The following RFX3 variants were observed in gnomAD, a reference collection of about 807,000 sequenced individuals.
RFX3 encodes the protein transcription factor RFX3.
A neutral mutation model predicts 98.6 loss-of-function variants in RFX3; 14 were observed. That is an observed-to-expected ratio of 0.14 (90% CI 0.09 to 0.22). The LOEUF (loss-of-function observed/expected upper bound fraction) is 0.22, where lower values mean the gene tolerates loss of function less well. RFX3 is among the 10% of genes least tolerant of loss of function. The pLI is 1.00. For synonymous variants in RFX3, 383 were observed against 328.4 expected, an observed-to-expected ratio of 1.17 and a Z score of -1.80; for missense variants, 639 against 926.9, an observed-to-expected ratio of 0.69 and a Z score of 4.03.
At chr9:3,422,563 A>C (rs1241097471) in intron 1 of RFX3, among the ~76,000 whole-genome samples, 1 of 152,250 alleles carries the variant, frequency 6.6e-6, no homozygotes, top group Non-Finnish European at 1.5e-5. Context: ...GGAATCAAAG[A>C]TCTTTTAAGT....
At chr9:3,283,214 C>T (rs138003215) in intron 7 of RFX3, among the ~76,000 whole-genome samples, 2 of 151,712 alleles carry the variant, frequency 1.3e-5, no homozygotes, top group Non-Finnish European at 1.5e-5. Flanking sequence ...AATTGCCAGG[C>T]TTCATTCTCC....
chr9:3,309,689 A>G (rs1359753832), intron 4 of RFX3, among the ~76,000 whole-genome samples: 2 of 152,186 alleles, frequency 1.3e-5, no homozygotes. Flanking sequence ...GGCAATACAT[A>G]TTGTGAAAAG....
intron 2 of RFX3, among the ~76,000 whole-genome samples, chr9:3,356,018 C>A (rs1835704647): frequency 1.3e-5 from 2 of 151,546 alleles, no homozygotes; most frequent in Non-Finnish European, 3.0e-5. Flanking sequence ...TCATAATTTT[C>A]AGAGTGCAGC....
intron 1 of RFX3, among the ~76,000 whole-genome samples, chr9:3,498,755 C>A (rs561511315): frequency 6.6e-6 from 1 of 152,138 alleles, no homozygotes; most frequent in East Asian, 1.9e-4. Flanking sequence ...ACTAGCTTAC[C>A]GTGAAAAGAA....
At chr9:3,490,773 T>C (rs551967620) in intron 1 of RFX3, among the ~76,000 whole-genome samples, 1 of 152,150 alleles carries the variant, frequency 6.6e-6, no homozygotes, top group Non-Finnish European at 1.5e-5. Context: ...ATTTAGCAGC[T>C]GACATGCATT....
chr9:3,506,780 G>T (rs936348422), intron 1 of RFX3, among the ~76,000 whole-genome samples: 2 of 151,662 alleles, frequency 1.3e-5, no homozygotes, highest in African/African-American at 4.8e-5. Flanking sequence ...CCTGGATTAA[G>T]GTCAGCCCAA....
At chr9:3,522,541 G>A (rs1818820833) in intron 1 of RFX3, among the ~76,000 whole-genome samples, 1 of 147,188 alleles carries the variant, frequency 6.8e-6, no homozygotes, top group Admixed American at 6.8e-5. Context: ...TTACTGTTCT[G>A]GAAAAGTGTG....
At chr9:3,305,158 G>A (rs1288883253) in intron 4 of RFX3, among the ~76,000 whole-genome samples, 1 of 151,950 alleles carries the variant, frequency 6.6e-6, no homozygotes, top group Non-Finnish European at 1.5e-5. Context: ...GTCCATATTT[G>A]GGAAATGGCA....
intron 4 of RFX3, among the ~76,000 whole-genome samples, chr9:3,319,142 GTAGT>G (rs1384368881): frequency 6.6e-6 from 1 of 152,220 alleles, no homozygotes; most frequent in Non-Finnish European, 1.5e-5. Flanking sequence ...TTTTCACTTT[GTAGT>G]TAGTCTCCGT....
chr9:3,502,949 T>A (rs927510746), intron 1 of RFX3, among the ~76,000 whole-genome samples: 2 of 152,188 alleles, frequency 1.3e-5, no homozygotes, highest in Non-Finnish European at 2.9e-5. Flanking sequence ...TTCATCAAAC[T>A]GCTCTATGCT....
chr9:3,392,117 T>C (rs1453524424), intron 2 of RFX3, among the ~76,000 whole-genome samples: 1 of 152,170 alleles, frequency 6.6e-6, no homozygotes, highest in African/African-American at 2.4e-5. Flanking sequence ...AAAAGCCTTG[T>C]CAGTCAGATG....
At position 3,257,143 on chromosome 9, in the gene RFX3, T is replaced by G. The variant is rs774326911; in HGVS notation, c.1662A>C (p.Thr554=). ...CDDNMVQRLE[T]DFKMTLQQQS... ...GCTGCTGAAGAGTCATCTTGAAGTC[T>G]GTTTCTAGTCTCTGAACCATGTTGT... Residue 554 remains threonine (T), a synonymous_variant, in exon 14 of 17, where the codon ACA becomes ACC. Coordinates refer to ENST00000617270, the MANE Select transcript of RFX3 (RefSeq NM_001282116.2). The G allele has an allele frequency of 6.2e-7, 1 of 1,614,052 alleles. No individual in the cohort carries two copies. The highest frequency in any genetic ancestry group is 8.5e-7 in the Non-Finnish European group (1 of 1,179,982).
At chr9:3,419,597 A>G (rs1242883834) in intron 1 of RFX3, among the ~76,000 whole-genome samples, 1 of 152,132 alleles carries the variant, frequency 6.6e-6, no homozygotes, top group East Asian at 1.9e-4. Context: ...CTGAGAACTA[A>G]GTGCATGATT....
chr9:3,365,524 A>C (rs1000447852), intron 2 of RFX3, among the ~76,000 whole-genome samples: 16 of 152,132 alleles, frequency 1.1e-4, no homozygotes, highest in African/African-American at 3.6e-4. Flanking sequence ...CTTACTATTC[A>C]TCTAAATCCC....
At chr9:3,407,721 T>C (rs1175474642) in intron 1 of RFX3, among the ~76,000 whole-genome samples, 1 of 152,196 alleles carries the variant, frequency 6.6e-6, no homozygotes, top group Non-Finnish European at 1.5e-5. Flanking sequence ...TTTAATCCAG[T>C]TAATAGTTTT....
chr9:3,415,305 CTT>C (rs1199720971), intron 1 of RFX3, among the ~76,000 whole-genome samples: 1 of 150,746 alleles, frequency 6.6e-6, no homozygotes, highest in Non-Finnish European at 1.5e-5. Flanking sequence ...GCCTCTAACT[CTT>C]GGGCTCAAGC....
At chr9:3,432,055 C>G (rs1422138282) in intron 1 of RFX3, among the ~76,000 whole-genome samples, 3 of 152,086 alleles carry the variant, frequency 2.0e-5, no homozygotes, top group Non-Finnish European at 4.4e-5. Flanking sequence ...AGATAAACAC[C>G]AGCTAAGCTT....
chr9:3,278,310 T>C (rs182861353), intron 7 of RFX3, among the ~76,000 whole-genome samples: 1 of 152,056 alleles, frequency 6.6e-6, no homozygotes, highest in African/African-American at 2.4e-5. Flanking sequence ...TTCTTCTTTT[T>C]CTCTGATTCC....
intron 1 of RFX3, among the ~76,000 whole-genome samples, chr9:3,497,422 AACC>A (rs1851192189): frequency 6.6e-6 from 1 of 152,000 alleles, no homozygotes; most frequent in African/African-American, 2.4e-5. Context: ...AAAAACTGAT[AACC>A]TCGTGGTGAA....
Sources: allele counts gnomAD v4.1 joint callset (sites outside exome capture counted in the v4.1 genomes callset), GRCh38; gene constraint gnomAD v4.1.1; transcripts MANE v1.5; gene names NCBI Gene and HGNC (gene_info 2026-07-23, HGNC 2026-07-21).